CEP78: variants seen among roughly 807,000 people sequenced by gnomAD.
The protein encoded by CEP78 is centrosomal protein 78.
Under a neutral mutation model 81.2 loss-of-function variants are expected in CEP78, and 76 were observed. That is an observed-to-expected ratio of 0.94 (90% CI 0.78 to 1.13). The LOEUF is 1.13. Among genes scored for constraint, CEP78 ranks in the 50% most tolerant of loss-of-function variants. The pLI is 0.00. For missense variants in CEP78, 918 were observed against 846.8 expected (o/e 1.08, Z -1.04); for synonymous variants, 293 against 301.4 (o/e 0.97, Z 0.29).
chr9:78,254,601 A>T (rs974954885), intron 10 of CEP78: 11 of 184,018 alleles, frequency 6.0e-5, no homozygotes, highest in Admixed American at 2.5e-4. Flanking sequence ...AGAAAAAAAA[A>T]ATATGGGCGA....
In CEP78 at chr9:78,246,737, A is replaced by C; in HGVS notation, c.847A>C (p.Asn283His). The change falls in exon 6 of 17, where the codon AAT (asparagine) becomes CAT (histidine). Residue 283 changes from asparagine to histidine, a missense_variant. Transcript: ENST00000643273. ...GGCTTTGCTAGAGGCCCTTGAAACC[A>C]ATACAACTCTGGTCGTTCTGGATAT... ...AKALLEALET[N>H]TTLVVLDIRK... 5.6e-6 allele frequency: 9 copies of C among 1,610,898 alleles called. No individual in the cohort carries two copies. The highest frequency in any genetic ancestry group is 7.6e-6 in the Non-Finnish European group (9 of 1,178,580).
intron 11 of CEP78, among the ~76,000 whole-genome samples, chr9:78,258,992 A>G (rs1827159240): frequency 6.6e-6 from 1 of 152,216 alleles, no homozygotes; most frequent in East Asian, 1.9e-4. Flanking sequence ...GGACCCAACA[A>G]GTCATCTGAG....
intron 6 of CEP78, among the ~76,000 whole-genome samples, 191 bp from the exon 7 acceptor site, chr9:78,248,100 G>A (rs893272810): frequency 6.6e-6 from 1 of 152,152 alleles, no homozygotes; most frequent in African/African-American, 2.4e-5. Context: ...GACAATATGT[G>A]TGTAGGAATA....
In CEP78 at chr9:78,243,819, C is replaced by CA. The variant is rs35270879; in HGVS notation, c.778+196dup. On this transcript the variant is annotated intron_variant, in intron 5 of 16. Coordinates refer to ENST00000643273, the MANE Select transcript of CEP78 (RefSeq NM_001330691.3). ...ATTCTTTATAGAAAATACCAAGTAA[C>CA]AAAAAAAAAAAAAGTACATATAATC... Among the ~76,000 whole-genome samples, 46,270 of 142,334 alleles carry CA rather than the reference C, an allele frequency of 0.33. 7,836 individuals carry two copies. Among genetic ancestry groups the CA allele is most frequent in the Middle Eastern group, 0.43 (119 of 276 alleles). The allele number at this position is 142,334 out of a possible 152,430, so 93.4% of individuals were successfully genotyped here. A position where few individuals can be genotyped will look rare whatever the true frequency, so the allele number is the denominator to read the frequency against.
chr9:78,253,442 G>T, intron 10 of CEP78, 165 bp downstream of exon 10: 1 of 557,758 alleles, frequency 1.8e-6, no homozygotes, highest in African/African-American at 1.9e-5. Context: ...GTATAGGCGT[G>T]TGGATATGTC....
intron 12 of CEP78, among the ~76,000 whole-genome samples, chr9:78,263,651 T>C (rs1292270924): frequency 6.6e-6 from 1 of 152,188 alleles, no homozygotes; most frequent in Non-Finnish European, 1.5e-5. Flanking sequence ...TTATGTGTAG[T>C]ATTAGATAAA....
chr9:78,239,894 T>G (rs1390093474), intron 1 of CEP78, 129 bp from the exon 2 acceptor site: 1 of 713,636 alleles, frequency 1.4e-6, no homozygotes, highest in African/African-American at 1.8e-5. Flanking sequence ...TGGCTTGAGT[T>G]TACATGTGTC....
At chr9:78,253,049 G>A (rs1216347085) in intron 9 of CEP78, among the ~76,000 whole-genome samples, 183 bp from the exon 10 acceptor site, 1 of 152,108 alleles carries the variant, frequency 6.6e-6, no homozygotes, top group Admixed American at 6.5e-5. Flanking sequence ...TCCCAAAGCC[G>A]TTCTGCTAAA....
In CEP78 at chr9:78,254,934, GAA is replaced by G. The variant is rs1459824096; in HGVS notation, c.1353_1354del (p.Lys451AsnfsTer2). The G allele has an allele frequency of 2.5e-6, 4 of 1,611,526 alleles. No homozygotes were observed. In the African/African-American group the frequency reaches 5.3e-5, roughly 21 times the overall value. On this transcript the variant is annotated frameshift_variant, in exon 11 of 17. Coordinates refer to ENST00000643273, the MANE Select transcript of CEP78 (RefSeq NM_001330691.3). LOFTEE classifies it high-confidence loss of function. ...SSESVHEVPE[K>X]TSIEQEALQE... ...CAGAGAGTGTTCATGAAGTGCCTGAGAAAACTAGTATAGAACAAGAAGCATTA... is the reference window on the plus strand; with the variant it reads ...CAGAGAGTGTTCATGAAGTGCCTGAGAACTAGTATAGAACAAGAAGCATTA...
At chr9:78,251,840 A>C in intron 8 of CEP78, 68 bp from the exon 9 acceptor site, 1 of 1,420,874 alleles carries the variant, frequency 7.0e-7, no homozygotes, top group Non-Finnish European at 9.7e-7. Context: ...AAGAGTATGC[A>C]CATGTGCCTA....
intron 11 of CEP78, 98 bp from the exon 12 acceptor site, chr9:78,262,809 G>A: frequency 1.6e-6 from 1 of 615,966 alleles, no homozygotes; most frequent in Non-Finnish European, 2.7e-6. Context: ...TTCACTTCTG[G>A]CTCTGTCCCT....
rs1271082009 is a variant in CEP78, at chr9:78,279,122, A to G, written c.*8271A>G. 1 of 151,866 alleles carries G rather than the reference A, an allele frequency of 6.6e-6. No homozygotes were observed. The highest frequency in any genetic ancestry group is 1.9e-4 in the East Asian group (1 of 5,196). 9.4% of individuals were successfully genotyped at this position (151,866 alleles called of 1,614,324 possible). On this transcript the variant is annotated 3_prime_UTR_variant, in exon 17 of 17. Coordinates refer to ENST00000643273, the MANE Select transcript of CEP78 (RefSeq NM_001330691.3). Reference sequence around the variant, plus strand: ...TAGAAATAGATAAGGACCCACTTATAGATTAAATAATAATTAGCTTGTTCC... The same window carrying G: ...TAGAAATAGATAAGGACCCACTTATGGATTAAATAATAATTAGCTTGTTCC...
At position 78,278,228 on chromosome 9, in the gene CEP78, C is replaced by CT. The variant is rs1827843040; in HGVS notation, c.*7378dup. 1.3e-5 allele frequency: 2 copies of CT among 152,200 alleles called. No homozygotes were observed. The highest frequency in any genetic ancestry group is 4.8e-5 in the African/African-American group (2 of 41,458). The allele number at this position is 152,200 out of a possible 1,614,324, so 9.4% of individuals were successfully genotyped here. ...ATCATAGAAAATGAAAATGTGTACT[C>CT]TGTTATCCTTTACGCTCTGTCCATT... On this transcript the variant is annotated 3_prime_UTR_variant, in exon 17 of 17. Coordinates refer to ENST00000643273, the MANE Select transcript of CEP78 (RefSeq NM_001330691.3).
intron 11 of CEP78, 123 bp downstream of exon 11, chr9:78,255,087 C>G: frequency 1.5e-6 from 1 of 658,262 alleles, no homozygotes. Flanking sequence ...TTCCTTCTAT[C>G]TCATATCCCT....
At chr9:78,268,404 C>T (rs992444268) in intron 16 of CEP78, among the ~76,000 whole-genome samples, 5 of 152,084 alleles carry the variant, frequency 3.3e-5, no homozygotes, top group Admixed American at 1.3e-4. Context: ...AAGATCGAGT[C>T]TTATAATCCA....
chr9:78,268,883 C>G (rs139412414), intron 16 of CEP78, among the ~76,000 whole-genome samples: 190 of 152,134 alleles, frequency 1.2e-3, no homozygotes, highest in African/African-American at 4.1e-3. Context: ...ATCTTGATCT[C>G]CTGACCTCGT....
intron 8 of CEP78, chr9:78,249,171 A>G (rs115737995): frequency 0.021 from 3,309 of 158,700 alleles, 123 homozygotes; most frequent in African/African-American, 0.074. Flanking sequence ...ATACTTTGCA[A>G]TTGAAATTTG....
At chr9:78,270,164 G>T (rs1827659427) in intron 16 of CEP78, among the ~76,000 whole-genome samples, 1 of 152,108 alleles carries the variant, frequency 6.6e-6, no homozygotes, top group Non-Finnish European at 1.5e-5. Flanking sequence ...AAAATGGGAA[G>T]AGTTAGAAGT....
At chr9:78,249,005 G>T (rs1389706198) in intron 8 of CEP78, 132 bp downstream of exon 8, 4 of 396,164 alleles carry the variant, frequency 1.0e-5, no homozygotes, top group African/African-American at 2.1e-5. Context: ...GTCTGTAATT[G>T]TTCTGATAAG....
Sources: gnomAD v4.1 joint callset for allele counts (sites outside exome capture counted in the v4.1 genomes callset) on GRCh38, gnomAD v4.1.1 for gene constraint, MANE v1.5 for transcripts, NCBI Gene and HGNC (gene_info 2026-07-23, HGNC 2026-07-21) for gene names.